The following HIVEP1 variants were observed in gnomAD, a reference collection of about 807,000 sequenced individuals.
HIVEP1 encodes zinc finger protein 40.
In HIVEP1, 36 loss-of-function variants were observed where a neutral mutation model predicts 180.0. The observed-to-expected ratio is 0.20, with a 90% CI of 0.15 to 0.26. The LOEUF (loss-of-function observed/expected upper bound fraction) is 0.26, where lower values mean the gene tolerates loss of function less well. Among genes scored for constraint, HIVEP1 ranks in the 10% least tolerant of loss-of-function variants. HIVEP1 has a pLI of 1.00. For synonymous variants in HIVEP1, 1,239 were observed against 1,239.0 expected, an observed-to-expected ratio of 1.00 and a Z score of 0.00; for missense variants, 3,143 against 3,268.7, an observed-to-expected ratio of 0.96 and a Z score of 0.94.
chr6:12,025,455 G>A (rs1470506294), intron 2 of HIVEP1, among the ~76,000 whole-genome samples: 2 of 152,142 alleles, frequency 1.3e-5, no homozygotes, highest in East Asian at 1.9e-4. Flanking sequence ...CATCCAAGAC[G>A]TTTGCTTACA....
intron 6 of HIVEP1, among the ~76,000 whole-genome samples, chr6:12,133,828 A>C (rs933771785): frequency 2.0e-5 from 3 of 152,148 alleles, no homozygotes; most frequent in African/African-American, 7.2e-5. Context: ...AATACAAAAA[A>C]TTAGCCTGGC....
At chr6:12,200,834 A>G in the HIVEP1 span, among the ~76,000 whole-genome samples, 6 of 152,244 alleles carry the variant, frequency 3.9e-5, no homozygotes, top group African/African-American at 1.2e-4. Context: ...TAATATCACC[A>G]TTGTTTTAAT....
the HIVEP1 span, among the ~76,000 whole-genome samples, chr6:12,188,638 T>C: frequency 6.6e-6 from 1 of 152,012 alleles, no homozygotes; most frequent in Non-Finnish European, 1.5e-5. Context: ...TTACAAGAAA[T>C]AAATATAAGA....
At chr6:12,139,531 G>A (rs1758891272) in intron 7 of HIVEP1, among the ~76,000 whole-genome samples, 1 of 152,226 alleles carries the variant, frequency 6.6e-6, no homozygotes, top group African/African-American at 2.4e-5. Context: ...GCAGGGCAAG[G>A]CATCGCCTCA....
chr6:12,124,885 T>C lies in HIVEP1; in HGVS notation c.5090T>C (p.Leu1697Ser). The C allele has an allele frequency of 6.2e-7, 1 of 1,614,160 alleles. No homozygotes were observed. Among genetic ancestry groups the C allele is most frequent in the Non-Finnish European group, 8.5e-7 (1 of 1,180,022 alleles). The change falls in exon 4 of 9, where the codon TTG (leucine) becomes TCG (serine). Residue 1697 changes from leucine to serine, a missense_variant. Physicochemically the swap from Leu to Ser is moderately radical, Grantham distance 145. Around this residue, in one of 12 missense-constraint regions of HIVEP1, gnomAD observed 1,357 missense variants for 1,260.5 expected, o/e 1.08. Transcript: ENST00000379388. ...TTACAAAAAGGTCATCAGAATGCTT[T>C]GCCAAACCCAGAGAAGGAATTTCTA... is the stretch of plus-strand genomic sequence containing the variant. ...PTLQKGHQNA[L>S]PNPEKEFLCE...
intron 7 of HIVEP1, among the ~76,000 whole-genome samples, chr6:12,157,474 T>TA (rs1346998756): frequency 6.6e-6 from 1 of 152,200 alleles, no homozygotes; most frequent in Non-Finnish European, 1.5e-5. Context: ...TTTATACTTT[T>TA]AAAAAATTGT....
At chr6:12,066,400 G>A (rs1771586261) in intron 2 of HIVEP1, among the ~76,000 whole-genome samples, 1 of 152,188 alleles carries the variant, frequency 6.6e-6, no homozygotes, top group African/African-American at 2.4e-5. Context: ...TTTTCACCAT[G>A]ATTTGTCTAA....
chr6:12,189,742 T>A, the HIVEP1 span, among the ~76,000 whole-genome samples: 1 of 152,184 alleles, frequency 6.6e-6, no homozygotes, highest in Non-Finnish European at 1.5e-5. Context: ...GAAAAATGCA[T>A]ATTTCTGGGA....
At chr6:12,167,656 TTA>T (rs1375497626), downstream of HIVEP1, among the ~76,000 whole-genome samples, 33 of 109,026 alleles carry the variant, frequency 3.0e-4, no homozygotes, top group Non-Finnish European at 6.1e-4. Context: ...CATATATATG[TTA>T]TATATACATA....
At chr6:12,077,324 C>T (rs1772431805) in intron 2 of HIVEP1, among the ~76,000 whole-genome samples, 1 of 152,154 alleles carries the variant, frequency 6.6e-6, no homozygotes, top group Admixed American at 6.5e-5. Flanking sequence ...AGAGCTCATC[C>T]TGCTAACGTC....
rs1326684826 is a variant in HIVEP1 at position 12,121,193 on chromosome 6, G to T, written c.1398G>T (p.Leu466Phe). The T allele has an allele frequency of 1.9e-6, 3 of 1,614,114 alleles. No homozygotes were observed. In the South Asian group the frequency reaches 3.3e-5, roughly 18 times the overall value. Reference protein sequence around the residue: ...HAHTIKLGLVLQPDAGGLFLS... With the variant: ...HAHTIKLGLVFQPDAGGLFLS... ...ATACTATCAAACTGGGTCTTGTCTT[G>T]CAACCAGATGCTGGTGGCTTGTTCT... Residue 466 changes from leucine to phenylalanine, a missense_variant, in exon 4 of 9, where the codon TTG becomes TTT. This residue lies in a region of HIVEP1 where 365 missense variants were observed against 344.4 expected (regional missense o/e 1.06). Transcript: ENST00000379388. The surrounding 1 kb of genome is among the most constrained non-coding windows in gnomAD (Gnocchi z 5.3).
At position 12,163,872 on chromosome 6, in the gene HIVEP1, A is replaced by G. The variant is rs1180032846; in HGVS notation, c.7568A>G (p.Gln2523Arg). ...PGLALNAVGLQVLTANPSSQS... is the reference protein window; with the variant it reads ...PGLALNAVGLRVLTANPSSQS... ...CTGGCTCTGAATGCTGTCGGACTGC[A>G]GGTTCTGACTGCAAACCCTTCATCA... The change falls in exon 9 of 9, where the codon CAG becomes CGG. Residue 2523 changes from glutamine (Q) to arginine (R), a missense_variant. Gln to Arg is a conservative substitution (Grantham distance 43, BLOSUM62 1). Coordinates refer to ENST00000379388, the MANE Select transcript of HIVEP1 (RefSeq NM_002114.4). The G allele has an allele frequency of 4.6e-5, 74 of 1,614,172 alleles. No individual in the cohort carries two copies. Among genetic ancestry groups the G allele is most frequent in the Non-Finnish European group, 6.3e-5 (74 of 1,180,034 alleles).
chr6:12,170,622 C>G, the HIVEP1 span, among the ~76,000 whole-genome samples: 1 of 152,074 alleles, frequency 6.6e-6, no homozygotes, highest in Non-Finnish European at 1.5e-5. Context: ...GGCATTGAGA[C>G]CAAGGGAATA....
At chr6:12,190,944 A>C in the HIVEP1 span, among the ~76,000 whole-genome samples, 4 of 152,176 alleles carry the variant, frequency 2.6e-5, no homozygotes, top group Admixed American at 6.5e-5. Context: ...CCTGATTTTC[A>C]GTATTTAAAA....
rs370612710 is a variant in HIVEP1, at chr6:12,124,003, A to G, written c.4208A>G (p.Glu1403Gly). 10 of 1,614,012 alleles carry G rather than the reference A, an allele frequency of 6.2e-6. No homozygotes were observed. The African/African-American group carries it at 1.3e-4, about 22-fold the overall frequency. Residue 1403 changes from glutamate (E) to glycine (G), a missense_variant, in exon 4 of 9, where the codon GAA becomes GGA. Physicochemically the swap from Glu to Gly is moderately conservative, Grantham distance 98. Transcript: ENST00000379388. Reference sequence around the variant, plus strand: ...CCACCCCAGACAACACCACTTACTGAATTGCAGCCTCCATCTTCACCTTCT... The same window carrying G: ...CCACCCCAGACAACACCACTTACTGGATTGCAGCCTCCATCTTCACCTTCT... ...ITPPQTTPLT[E>G]LQPPSSPSRV...
chr6:12,182,854 G>A, the HIVEP1 span, among the ~76,000 whole-genome samples: 3 of 152,290 alleles, frequency 2.0e-5, no homozygotes, highest in African/African-American at 7.2e-5. Flanking sequence ...ATGCCTTTGC[G>A]ATTACAAATG....
chr6:12,014,981 A>G (rs1767639609), intron 1 of HIVEP1, among the ~76,000 whole-genome samples: 1 of 152,186 alleles, frequency 6.6e-6, no homozygotes, highest in South Asian at 2.1e-4. Flanking sequence ...TAATAACTAA[A>G]TGCTCCAGCC....
the HIVEP1 span, among the ~76,000 whole-genome samples, chr6:12,207,469 G>A: frequency 6.6e-5 from 10 of 151,988 alleles, no homozygotes; most frequent in Admixed American, 1.3e-4. Context: ...TAGAAAAAAA[G>A]GACCTATAAT....
intron 7 of HIVEP1, among the ~76,000 whole-genome samples, chr6:12,139,297 G>A (rs775158573): frequency 2.4e-4 from 37 of 152,154 alleles, no homozygotes; most frequent in Middle Eastern, 3.4e-3. Context: ...TTGAACACCC[G>A]CAGCAGGCCC....
Sources: allele counts gnomAD v4.1 joint callset (sites outside exome capture counted in the v4.1 genomes callset), GRCh38; gene constraint gnomAD v4.1.1; regional missense constraint gnomAD v4.1.1; non-coding constraint Gnocchi (gnomAD v3.1); transcripts MANE v1.5; gene names NCBI Gene and HGNC (gene_info 2026-07-23, HGNC 2026-07-21).